GRIK4: variants seen among roughly 807,000 people sequenced by gnomAD.
The protein encoded by GRIK4 is glutamate ionotropic receptor kainate type subunit 4.
In GRIK4, 40 loss-of-function variants were observed where a neutral mutation model predicts 104.9. The observed-to-expected ratio is 0.38, with a 90% confidence interval of 0.30 to 0.50. The LOEUF is 0.50. Ranked by LOEUF, GRIK4 falls within the 20% of genes least tolerant of loss-of-function variation. The pLI, the probability that GRIK4 is intolerant of heterozygous loss-of-function variation, is 0.93. For missense variants in GRIK4, 1,047 were observed against 1,308.1 expected (o/e 0.80, Z 3.08); for synonymous variants, 485 against 524.9 (o/e 0.92, Z 1.04).
intron 3 of GRIK4, among the ~76,000 whole-genome samples, chr11:120,671,062 A>G (rs1210933187): frequency 1.3e-5 from 2 of 152,150 alleles, no homozygotes; most frequent in African/African-American, 4.8e-5. Flanking sequence ...ATAGTATTCC[A>G]TGGTATATAT....
chr11:120,526,381 T>A (rs550896099), intron 1 of GRIK4, among the ~76,000 whole-genome samples: 48 of 152,284 alleles, frequency 3.2e-4, no homozygotes, highest in African/African-American at 1.1e-3. Context: ...ATATTTTTTC[T>A]TTCTAGAGAC....
Position 120,920,597 on chromosome 11 carries a change from A to G in GRIK4, c.1476+15104A>G, listed in dbSNP as rs181217598. On this transcript the variant is annotated intron_variant, in intron 13 of 20. Coordinates refer to ENST00000527524, the MANE Select transcript of GRIK4 (RefSeq NM_014619.5). ...CTTCCAAGGTTATATGCGCTGTTCC[A>G]ACCTACTCTCTTCTTGCCCTCACAT... 8.6e-4 allele frequency among the ~76,000 whole-genome samples: 131 copies of G among 152,142 alleles called. 1 individual carries two copies. The highest frequency in any genetic ancestry group is 2.9e-3 in the African/African-American group (121 of 41,528).
intron 1 of GRIK4, among the ~76,000 whole-genome samples, chr11:120,523,359 C>T (rs987216635): frequency 4.6e-5 from 7 of 151,898 alleles, no homozygotes; most frequent in African/African-American, 1.5e-4. Context: ...TTCTCCTGCA[C>T]GGAGCTGTGG....
intron 1 of GRIK4, among the ~76,000 whole-genome samples, chr11:120,573,031 G>A (rs1407900578): frequency 6.6e-6 from 1 of 152,134 alleles, no homozygotes; most frequent in East Asian, 1.9e-4. Context: ...ATCTAATACA[G>A]TTGTGTCTTT....
intron 3 of GRIK4, among the ~76,000 whole-genome samples, chr11:120,768,733 A>C (rs967376116): frequency 1.3e-5 from 2 of 152,156 alleles, no homozygotes; most frequent in African/African-American, 4.8e-5. Context: ...CTAAACTGTT[A>C]AGAGGTTTTA....
At chr11:120,570,498 G>A (rs1362563641) in intron 1 of GRIK4, among the ~76,000 whole-genome samples, 1 of 152,174 alleles carries the variant, frequency 6.6e-6, no homozygotes, top group African/African-American at 2.4e-5. Context: ...CTGTCACCCA[G>A]GCTGGAGTGC....
At chr11:120,924,163 T>C (rs1943288110) in intron 13 of GRIK4, among the ~76,000 whole-genome samples, 2 of 152,154 alleles carry the variant, frequency 1.3e-5, no homozygotes, top group South Asian at 4.1e-4. Context: ...CAAATGAGAA[T>C]GAAAATCCAT....
intron 4 of GRIK4, among the ~76,000 whole-genome samples, chr11:120,809,022 G>T (rs1228459516): frequency 2.0e-5 from 3 of 152,154 alleles, no homozygotes; most frequent in Non-Finnish European, 2.9e-5. Flanking sequence ...CTGGAGGGGG[G>T]CTACAGTCAG....
chr11:120,577,803 G>T (rs1948505093), intron 1 of GRIK4, among the ~76,000 whole-genome samples: 1 of 152,202 alleles, frequency 6.6e-6, no homozygotes, highest in South Asian at 2.1e-4. Flanking sequence ...GGCAGGGGCA[G>T]GTGGGTGTTT....
intron 3 of GRIK4, among the ~76,000 whole-genome samples, chr11:120,725,672 T>G (rs987911061): frequency 2.0e-5 from 3 of 152,154 alleles, no homozygotes; most frequent in African/African-American, 7.2e-5. Flanking sequence ...GGGGGTCCTT[T>G]CTTGAGGAAT....
In GRIK4 at chr11:120,905,307, G is replaced by T. The variant is rs935165226; in HGVS notation, c.1290G>T (p.Met430Ile). 1 of 1,613,204 alleles carries T rather than the reference G, an allele frequency of 6.2e-7. No individual in the cohort carries two copies. The highest frequency in any genetic ancestry group is 1.3e-5 in the African/African-American group (1 of 74,920). Reference sequence around the variant, plus strand: ...TGCTGCAGGAGAACCCATATTTAATGCTGAAGGGGAACCACCAGGAGATGG... The same window carrying T: ...TGCTGCAGGAGAACCCATATTTAATTCTGAAGGGGAACCACCAGGAGATGG... ...VTTILENPYL[M>I]LKGNHQEMEG... The change falls in exon 13 of 21, where the codon ATG becomes ATT. Residue 430 changes from methionine (M) to isoleucine (I), a missense_variant. Around this residue, in one of 3 missense-constraint regions of GRIK4, gnomAD observed 440 missense variants for 652.3 expected, o/e 0.67. Transcript: ENST00000527524. This position sits in a 1 kb window ranked among gnomAD's most constrained non-coding sequence, Gnocchi z 5.1.
intron 1 of GRIK4, among the ~76,000 whole-genome samples, chr11:120,515,270 A>T (rs935282004): frequency 1.3e-5 from 2 of 152,100 alleles, no homozygotes; most frequent in Non-Finnish European, 2.9e-5. Flanking sequence ...TATCAGGCAG[A>T]CCTGGGTTCC....
At chr11:120,514,144 C>T (rs543673692) in intron 1 of GRIK4, among the ~76,000 whole-genome samples, 7 of 152,178 alleles carry the variant, frequency 4.6e-5, no homozygotes, top group African/African-American at 9.6e-5. Context: ...AGAGAAGCAG[C>T]GAGGCGGAAG....
intron 1 of GRIK4, among the ~76,000 whole-genome samples, chr11:120,553,835 G>A (rs946706916): frequency 3.9e-5 from 6 of 152,158 alleles, no homozygotes; most frequent in Admixed American, 1.3e-4. Flanking sequence ...GTCTCTCTCC[G>A]GAGTAGAGTG....
At chr11:120,834,654 A>C (rs1953526052) in intron 7 of GRIK4, among the ~76,000 whole-genome samples, 4 of 152,156 alleles carry the variant, frequency 2.6e-5, no homozygotes, top group Admixed American at 1.3e-4. Context: ...TGGGAGACTC[A>C]GTGTGCACGT....
chr11:120,685,337 A>G (rs1451895408), intron 3 of GRIK4, among the ~76,000 whole-genome samples: 1 of 152,204 alleles, frequency 6.6e-6, no homozygotes, highest in Non-Finnish European at 1.5e-5. Flanking sequence ...CATTTTCATC[A>G]AATCCCCAGG....
intron 13 of GRIK4, among the ~76,000 whole-genome samples, chr11:120,938,984 A>G (rs1943659149): frequency 6.6e-6 from 1 of 152,180 alleles, no homozygotes; most frequent in African/African-American, 2.4e-5. Context: ...GAGAACCACC[A>G]TAGAGGATTG....
chr11:120,673,984 C>G (rs959462618), intron 3 of GRIK4, among the ~76,000 whole-genome samples: 3 of 152,200 alleles, frequency 2.0e-5, no homozygotes, highest in African/African-American at 7.2e-5. Flanking sequence ...GCCTACCGTT[C>G]TAGCTCTGTC....
chr11:120,824,036 A>G (rs1953191031), intron 6 of GRIK4, among the ~76,000 whole-genome samples: 2 of 152,242 alleles, frequency 1.3e-5, no homozygotes, highest in Non-Finnish European at 2.9e-5. Context: ...TTCCTTATTA[A>G]TGCAGGGCTG....
Sources: allele counts gnomAD v4.1 joint callset (sites outside exome capture counted in the v4.1 genomes callset), GRCh38; gene constraint gnomAD v4.1.1; regional missense constraint gnomAD v4.1.1; non-coding constraint Gnocchi (gnomAD v3.1); transcripts MANE v1.5; gene names NCBI Gene and HGNC (gene_info 2026-07-23, HGNC 2026-07-21).